Variants in NAV3 observed in about 807,000 individuals in gnomAD.
NAV3 encodes neuron navigator 3, also known as pore membrane and/or filament interacting like protein 1.
In NAV3, 87 loss-of-function variants were observed where a neutral mutation model predicts 244.7. The observed-to-expected ratio is 0.36, with a 90% CI of 0.30 to 0.42. NAV3 has a LOEUF of 0.42. Ranked by LOEUF, NAV3 falls within the 20% of genes least tolerant of loss-of-function variation. The probability of loss-of-function intolerance (pLI) is 1.00; values close to 1 mark genes in which losing one functional copy is unlikely to be tolerated. For synonymous variants in NAV3, 1,126 were observed against 1,042.2 expected (o/e 1.08, Z -1.55); for missense variants, 2,663 against 2,893.3 (o/e 0.92, Z 1.83).
At chr12:77,712,267 A>G (rs1876156055) in intron 2 of NAV3, among the ~76,000 whole-genome samples, 1 of 152,216 alleles carries the variant, frequency 6.6e-6, no homozygotes, top group Non-Finnish European at 1.5e-5. Context: ...CACTGGACCA[A>G]TGAAAGATTC....
At chr12:77,702,427 T>C (rs1184224345) in intron 2 of NAV3, among the ~76,000 whole-genome samples, 1 of 151,946 alleles carries the variant, frequency 6.6e-6, no homozygotes, top group Non-Finnish European at 1.5e-5. Context: ...TTATTTGGAG[T>C]ATATTAAAAT....
Position 78,016,325 on chromosome 12 carries a change from A to G in NAV3, c.1908-5422A>G, listed in dbSNP as rs574394071. 9.2e-5 allele frequency among the ~76,000 whole-genome samples: 14 copies of G among 152,294 alleles called. No homozygotes were observed. In the South Asian group the frequency reaches 2.7e-3, roughly 29 times the overall value. On this transcript the variant is annotated intron_variant, in intron 8 of 39. Transcript: ENST00000397909. ...TATATATATGCCTTATTATAATTCA[A>G]TGTGATTATTCACATATACATACAT... is the stretch of plus-strand genomic sequence containing the variant.
At chr12:78,170,710 A>T (rs1957966068) in intron 24 of NAV3, among the ~76,000 whole-genome samples, 1 of 151,738 alleles carries the variant, frequency 6.6e-6, no homozygotes, top group Admixed American at 6.6e-5. Flanking sequence ...GCTATCCTGA[A>T]TTGTTTTCAA....
In NAV3 at chr12:78,119,936, C is replaced by G. The variant is rs1444580215; in HGVS notation, c.3740C>G (p.Thr1247Arg). ...AAGTATCCAGATATTGCCTCACCCA[C>G]ATTTCGAAGGTAAGGATGTATAAAA... ...GSKYPDIASP[T>R]FRRLFGAKAG... Residue 1247 changes from threonine to arginine, a missense_variant, in exon 15 of 40, where the codon ACA becomes AGA. Thr to Arg is a moderately conservative substitution (Grantham distance 71). Transcript: ENST00000397909. The G allele has an allele frequency of 6.2e-7, 1 of 1,611,078 alleles. No homozygotes were observed. Among genetic ancestry groups the G allele is most frequent in the Non-Finnish European group, 8.5e-7 (1 of 1,177,964 alleles).
At chr12:77,944,854 G>T (rs1890181484) in intron 3 of NAV3, among the ~76,000 whole-genome samples, 1 of 152,270 alleles carries the variant, frequency 6.6e-6, no homozygotes, top group Admixed American at 6.5e-5. Context: ...AGATGCAGTA[G>T]CTGAAGCTCT....
chr12:78,148,412 A>C lies in NAV3; in HGVS notation c.4708-430A>C, dbSNP rs56224737. The stretch of plus-strand genomic sequence containing the variant: ...ATTAAAATGTACAGAGGAAAAAAAA[A>C]CCTAAGATTTTCTGAAAAAGAACAT... On this transcript the variant is annotated intron_variant, in intron 21 of 39. Coordinates refer to ENST00000397909, the MANE Select transcript of NAV3 (RefSeq NM_001024383.2). Among the ~76,000 whole-genome samples the C allele has an allele frequency of 5.3e-5, 8 of 152,186 alleles. No homozygotes were observed. In the South Asian group the frequency reaches 6.2e-4, roughly 12 times the overall value.
chr12:77,618,346 A>T (rs1871224079), intron 2 of NAV3, among the ~76,000 whole-genome samples: 1 of 152,228 alleles, frequency 6.6e-6, no homozygotes, highest in Non-Finnish European at 1.5e-5. Flanking sequence ...ACTATACAGT[A>T]CTTCATTGGA....
intron 12 of NAV3, among the ~76,000 whole-genome samples, chr12:78,077,568 A>C (rs543583251): frequency 1.3e-5 from 2 of 152,356 alleles, no homozygotes; most frequent in East Asian, 3.9e-4. Flanking sequence ...TTAGACTCTT[A>C]AGTTTAACAT....
At chr12:78,167,273 A>G (rs758839876) in intron 23 of NAV3, among the ~76,000 whole-genome samples, 26 of 151,776 alleles carry the variant, frequency 1.7e-4, no homozygotes, top group Non-Finnish European at 3.5e-4. Context: ...TAATAAATAT[A>G]GTCGAAATGA....
At chr12:77,745,988 T>TAAAAAAAAA (rs35139297) in intron 2 of NAV3, among the ~76,000 whole-genome samples, 1 of 107,574 alleles carries the variant, frequency 9.3e-6, no homozygotes. Context: ...AGACTTAAGG[T>TAAAAAAAAA]AAAAAAAAAA....
intron 2 of NAV3, among the ~76,000 whole-genome samples, chr12:77,748,056 T>C (rs1452248618): frequency 6.6e-6 from 1 of 152,088 alleles, no homozygotes; most frequent in Admixed American, 6.6e-5. Context: ...TAAAAAAAAT[T>C]GATTTTAAGT....
At chr12:78,170,743 T>C (rs443910) in intron 24 of NAV3, among the ~76,000 whole-genome samples, 7,417 of 151,878 alleles carry the variant, frequency 0.049, 197 homozygotes, top group Non-Finnish European at 0.071. Flanking sequence ...TCTTTATGAA[T>C]TGTGTTCATT....
intron 5 of NAV3, among the ~76,000 whole-genome samples, chr12:77,974,415 G>A (rs1893279067): frequency 6.6e-6 from 1 of 151,640 alleles, no homozygotes; most frequent in Non-Finnish European, 1.5e-5. Context: ...CCTAGTAGCT[G>A]GGATTACAGG....
intron 1 of NAV3, among the ~76,000 whole-genome samples, chr12:77,895,542 C>A (rs1884495294): frequency 6.6e-6 from 1 of 151,882 alleles, no homozygotes; most frequent in Non-Finnish European, 1.5e-5. Flanking sequence ...ATTATTTTTG[C>A]TTTGATTTTA....
intron 2 of NAV3, among the ~76,000 whole-genome samples, chr12:77,753,854 C>T (rs767807999): frequency 5.3e-5 from 8 of 152,032 alleles, no homozygotes; most frequent in Admixed American, 1.3e-4. Flanking sequence ...AGTTGAAATA[C>T]GTTCAAAAAT....
At chr12:77,799,439 A>T (rs1871589702) in intron 2 of NAV3, among the ~76,000 whole-genome samples, 1 of 152,190 alleles carries the variant, frequency 6.6e-6, no homozygotes, top group Non-Finnish European at 1.5e-5. Context: ...TTATTGCCCA[A>T]TTTTAACTTT....
At chr12:77,768,115 C>A (rs899457496) in intron 2 of NAV3, among the ~76,000 whole-genome samples, 2 of 152,178 alleles carry the variant, frequency 1.3e-5, no homozygotes, top group Non-Finnish European at 2.9e-5. Context: ...TAGGTCATCC[C>A]ATCATCTGCC....
intron 2 of NAV3, among the ~76,000 whole-genome samples, chr12:77,687,514 G>A (rs1237549623): frequency 6.6e-6 from 1 of 152,012 alleles, no homozygotes. Flanking sequence ...CCAGAGTTTG[G>A]CAATGAACCC....
intron 9 of NAV3, among the ~76,000 whole-genome samples, chr12:78,022,951 T>C (rs1365256827): frequency 6.6e-6 from 1 of 152,144 alleles, no homozygotes; most frequent in East Asian, 1.9e-4. Flanking sequence ...GTAGAAATGG[T>C]AATGCCAAGA....
Sources: allele counts gnomAD v4.1 joint callset (sites outside exome capture counted in the v4.1 genomes callset), GRCh38; gene constraint gnomAD v4.1.1; transcripts MANE v1.5; gene names NCBI Gene and HGNC (gene_info 2026-07-23, HGNC 2026-07-21).